KCNIP4: variants seen among roughly 807,000 people sequenced by gnomAD.
The protein encoded by KCNIP4 is Kv channel-interacting protein 4.
In KCNIP4, 12 loss-of-function variants were observed where a neutral mutation model predicts 34.0. The ratio of observed to expected loss-of-function variants is 0.35; its 90% CI spans 0.23 to 0.57. KCNIP4 has a LOEUF of 0.57. Ranked by LOEUF, KCNIP4 falls within the 20% of genes least tolerant of loss-of-function variation. KCNIP4 has a pLI of 0.83. For synonymous variants in KCNIP4, 124 were observed against 102.2 expected, an observed-to-expected ratio of 1.21 and a Z score of -1.29; for missense variants, 238 against 311.7, an observed-to-expected ratio of 0.76 and a Z score of 1.78.
Position 21,320,964 on chromosome 4 carries a change from T to TAAAAAAAAAAAAAAAAAA in KCNIP4, c.62-438273_62-438256dup, listed in dbSNP as rs528123961. On this transcript the variant is annotated intron_variant, in intron 1 of 8. Transcript: ENST00000382152. ...TGGGCAATAGAGCAAGAATCTGTCT[T>TAAAAAAAAAAAAAAAAAA]AAAAAAAAAAAAAAAAAAGAGGAAA... is the stretch of plus-strand genomic sequence containing the variant. 1.7e-3 allele frequency among the ~76,000 whole-genome samples: 174 copies of TAAAAAAAAAAAAAAAAAA among 102,814 alleles called. 12 individuals carry two copies. The highest frequency in any genetic ancestry group is 7.2e-3 in the African/African-American group (157 of 21,732). 67.4% of individuals were successfully genotyped at this position (102,814 alleles called of 152,430 possible). A position where few individuals can be genotyped will look rare whatever the true frequency, so the allele number is the denominator to read the frequency against.
At chr4:21,173,271 A>T (rs570605039) in intron 1 of KCNIP4, among the ~76,000 whole-genome samples, 5 of 152,136 alleles carry the variant, frequency 3.3e-5, no homozygotes, top group Non-Finnish European at 5.9e-5. Flanking sequence ...TTTGGGGGAA[A>T]AAAAACCACT....
At chr4:21,875,340 T>C (rs951719876) in intron 1 of KCNIP4, among the ~76,000 whole-genome samples, 1 of 152,140 alleles carries the variant, frequency 6.6e-6, no homozygotes, top group Non-Finnish European at 1.5e-5. Flanking sequence ...CAGCAGCCAA[T>C]AGAGACAGGA....
intron 1 of KCNIP4, among the ~76,000 whole-genome samples, chr4:20,930,864 C>T (rs147772118): frequency 6.6e-6 from 1 of 150,518 alleles, no homozygotes; most frequent in East Asian, 2.0e-4. Context: ...CAAGAGGTTA[C>T]TGCTGGTGAG....
At chr4:21,296,392 GTC>G (rs575878736) in intron 1 of KCNIP4, among the ~76,000 whole-genome samples, 14 of 150,564 alleles carry the variant, frequency 9.3e-5, no homozygotes, top group Admixed American at 2.0e-4. Flanking sequence ...TTGAGCTGTG[GTC>G]TCTCTCTCTC....
chr4:21,107,163 C>T (rs536455379), intron 1 of KCNIP4, among the ~76,000 whole-genome samples: 17,507 of 141,142 alleles, frequency 0.12, 1,241 homozygotes, highest in South Asian at 0.15. Flanking sequence ...TTTTAACTTT[C>T]TGTCTCATTG....
At chr4:21,006,658 G>A (rs962634753) in intron 1 of KCNIP4, among the ~76,000 whole-genome samples, 3 of 152,228 alleles carry the variant, frequency 2.0e-5, no homozygotes, top group African/African-American at 7.2e-5. Context: ...GGTAGAATGA[G>A]TGTTTCAGAA....
chr4:21,073,452 G>A (rs1343941602), intron 1 of KCNIP4, among the ~76,000 whole-genome samples: 4 of 151,854 alleles, frequency 2.6e-5, no homozygotes, highest in African/African-American at 9.7e-5. Flanking sequence ...TGTTATTGGT[G>A]TATAAGAATG....
At position 21,576,612 on chromosome 4, in the gene KCNIP4, A is replaced by G. The variant is rs1577625508; in HGVS notation, c.61+371959T>C. On this transcript the variant is annotated intron_variant, in intron 1 of 8. Transcript: ENST00000382152. ...TGAAAATATATTTTGGATGTGAGGT[A>G]TAAGTCCCCGATTACTCATTTATCC... Among the ~76,000 whole-genome samples, 6 of 152,334 alleles carry G rather than the reference A, an allele frequency of 3.9e-5. 1 individual carries two copies. The highest frequency in any genetic ancestry group is 3.9e-4 in the Admixed American group (6 of 15,304).
At chr4:20,959,090 G>A (rs1348019548) in intron 1 of KCNIP4, among the ~76,000 whole-genome samples, 1 of 152,106 alleles carries the variant, frequency 6.6e-6, no homozygotes, top group East Asian at 1.9e-4. Context: ...AGGTTTAGTC[G>A]GTAACACTGA....
chr4:20,785,715 G>T (rs1161323429), intron 3 of KCNIP4, among the ~76,000 whole-genome samples: 9 of 152,062 alleles, frequency 5.9e-5, no homozygotes, highest in Admixed American at 3.9e-4. Flanking sequence ...ATAAAGGATA[G>T]AAAGTAATTA....
At chr4:21,763,239 T>C (rs981525768) in intron 1 of KCNIP4, among the ~76,000 whole-genome samples, 11 of 152,186 alleles carry the variant, frequency 7.2e-5, no homozygotes. Flanking sequence ...AGCCCACGGC[T>C]GTGCATTCCT....
At chr4:21,936,249 C>T (rs1442726102) in intron 1 of KCNIP4, among the ~76,000 whole-genome samples, 2 of 152,056 alleles carry the variant, frequency 1.3e-5, no homozygotes, top group African/African-American at 2.4e-5. Flanking sequence ...TGGGGCGGTC[C>T]CCCCATACTG....
intron 1 of KCNIP4, among the ~76,000 whole-genome samples, chr4:21,653,207 A>T (rs1293468396): frequency 6.6e-6 from 1 of 152,154 alleles, no homozygotes; most frequent in East Asian, 1.9e-4. Flanking sequence ...TGAAATTCAG[A>T]CTACCACTGT....
At chr4:21,408,241 A>C (rs1724175614) in intron 1 of KCNIP4, among the ~76,000 whole-genome samples, 1 of 152,208 alleles carries the variant, frequency 6.6e-6, no homozygotes. Flanking sequence ...AGAAATATTG[A>C]CATTCAGAGC....
chr4:21,266,963 C>A lies in KCNIP4; in HGVS notation c.62-384254G>T, dbSNP rs546551690. Among the ~76,000 whole-genome samples the A allele has an allele frequency of 2.4e-4, 36 of 152,226 alleles. No individual in the cohort carries two copies. In the South Asian group the frequency reaches 3.1e-3, roughly 13 times the overall value. Reference sequence around the variant, plus strand: ...GTTAGCTAAGGTCTTGGGCTAGTCACGTAGTCTATGTCTCAGTTTCCTTAT... The same window carrying A: ...GTTAGCTAAGGTCTTGGGCTAGTCAAGTAGTCTATGTCTCAGTTTCCTTAT... On this transcript the variant is annotated intron_variant, in intron 1 of 8. Coordinates refer to ENST00000382152, the MANE Select transcript of KCNIP4 (RefSeq NM_025221.6).
intron 3 of KCNIP4, among the ~76,000 whole-genome samples, chr4:20,814,167 A>G (rs1456590234): frequency 6.6e-6 from 1 of 152,210 alleles, no homozygotes; most frequent in East Asian, 1.9e-4. Flanking sequence ...GCAGACTCCC[A>G]GGTCCCATCC....
At chr4:21,403,607 C>T (rs1051493036) in intron 1 of KCNIP4, among the ~76,000 whole-genome samples, 2 of 152,218 alleles carry the variant, frequency 1.3e-5, no homozygotes, top group Non-Finnish European at 2.9e-5. Context: ...AATAGAACGA[C>T]TTCCGTGTCC....
At chr4:21,484,383 C>T (rs180772558) in intron 1 of KCNIP4, among the ~76,000 whole-genome samples, 358 of 151,738 alleles carry the variant, frequency 2.4e-3, no homozygotes, top group African/African-American at 7.9e-3. Context: ...GGCGAGATCA[C>T]GCCATTGCAC....
intron 3 of KCNIP4, among the ~76,000 whole-genome samples, chr4:20,818,920 CTTTTT>C (rs11382765): frequency 3.8e-5 from 4 of 104,956 alleles, no homozygotes; most frequent in African/African-American, 1.5e-4. Flanking sequence ...TATATTATCT[CTTTTT>C]TTTTTTTTTT....
Sources: gnomAD v4.1 joint callset for allele counts (sites outside exome capture counted in the v4.1 genomes callset) on GRCh38, gnomAD v4.1.1 for gene constraint, MANE v1.5 for transcripts, NCBI Gene and HGNC (gene_info 2026-07-23, HGNC 2026-07-21) for gene names.